Variants in TRPM8 observed in about 807,000 individuals in gnomAD.
TRPM8 encodes TRPM8 cationic channel.
TRPM8 carries 110 observed loss-of-function variants against 133.7 expected under a neutral mutation model. That is an observed-to-expected ratio of 0.82 (90% CI 0.70 to 0.96). The LOEUF (loss-of-function observed/expected upper bound fraction) is 0.96. TRPM8 is among the 40% of genes least tolerant of loss of function. The pLI is 0.00. For synonymous variants in TRPM8, 535 were observed against 532.3 expected, an observed-to-expected ratio of 1.01 and a Z score of -0.07; for missense variants, 1,291 against 1,379.5, an observed-to-expected ratio of 0.94 and a Z score of 1.02.
At chr2:233,921,244 AC>A (rs1691400430) in intron 1 of TRPM8, among the ~76,000 whole-genome samples, 1 of 152,154 alleles carries the variant, frequency 6.6e-6, no homozygotes, top group African/African-American at 2.4e-5. Context: ...TCGTATAACT[AC>A]TGCCACAACC....
At chr2:233,971,975 C>T (rs555128755) in intron 17 of TRPM8, among the ~76,000 whole-genome samples, 13 of 152,212 alleles carry the variant, frequency 8.5e-5, no homozygotes, top group African/African-American at 3.1e-4. Context: ...GTTTACAATC[C>T]CTGAGCTAGA....
intron 22 of TRPM8, among the ~76,000 whole-genome samples, chr2:234,006,354 C>A (rs1692694191): frequency 6.6e-6 from 1 of 152,206 alleles, no homozygotes; most frequent in South Asian, 2.1e-4. Flanking sequence ...GGTGAATTTT[C>A]TTTGAGGTCC....
chr2:233,981,633 C>T, intron 18 of TRPM8, 141 bp from the exon 19 acceptor site: 1 of 724,266 alleles, frequency 1.4e-6, no homozygotes, highest in East Asian at 2.8e-5. Context: ...ATGGCCTCTG[C>T]TGGGTGGTGT....
At chr2:234,005,041 G>T (rs1259555962) in intron 22 of TRPM8, among the ~76,000 whole-genome samples, 1 of 152,138 alleles carries the variant, frequency 6.6e-6, no homozygotes, top group African/African-American at 2.4e-5. Flanking sequence ...AGCATATAAT[G>T]CTATGTTAAA....
chr2:233,922,737 C>G (rs1220941562), intron 1 of TRPM8, among the ~76,000 whole-genome samples: 1 of 152,082 alleles, frequency 6.6e-6, no homozygotes, highest in African/African-American at 2.4e-5. Flanking sequence ...CAATCTTTTC[C>G]CTCTTAAAAA....
chr2:233,958,781 A>T (rs1691357025), intron 11 of TRPM8, among the ~76,000 whole-genome samples: 1 of 152,138 alleles, frequency 6.6e-6, no homozygotes, highest in African/African-American at 2.4e-5. Flanking sequence ...GCAATGTGTG[A>T]TCCCCATGAG....
intron 23 of TRPM8, 93 bp downstream of exon 23, chr2:234,007,045 G>C (rs1012206851): frequency 1.2e-6 from 1 of 856,732 alleles, no homozygotes; most frequent in Non-Finnish European, 1.9e-6. Context: ...ACTCAGTAAA[G>C]AGCATTTTCA....
chr2:233,924,989 A>G (rs1043060068), intron 1 of TRPM8, among the ~76,000 whole-genome samples: 1 of 152,208 alleles, frequency 6.6e-6, no homozygotes, highest in African/African-American at 2.4e-5. Flanking sequence ...TGCATTTTAA[A>G]GCAGTGCCAG....
intron 20 of TRPM8, among the ~76,000 whole-genome samples, chr2:233,985,383 G>A (rs991737571): frequency 3.3e-5 from 5 of 152,258 alleles, no homozygotes; most frequent in African/African-American, 1.2e-4. Flanking sequence ...CTTTAAATGT[G>A]TGTGGTTGAT....
At chr2:233,957,983 C>T (rs762748760) in intron 11 of TRPM8, among the ~76,000 whole-genome samples, 2 of 152,200 alleles carry the variant, frequency 1.3e-5, no homozygotes, top group South Asian at 4.1e-4. Flanking sequence ...GTGCTTAGAA[C>T]ATTGGCACAT....
intron 6 of TRPM8, 48 bp downstream of exon 6, chr2:233,942,796 C>T (rs1466996294): frequency 2.5e-6 from 4 of 1,608,068 alleles, no homozygotes; most frequent in Non-Finnish European, 3.4e-6. Context: ...GGAAGAAAGA[C>T]CATGGCATGG....
At chr2:234,007,947 G>T in intron 23 of TRPM8, 123 bp from the exon 24 acceptor site, 1 of 979,984 alleles carries the variant, frequency 1.0e-6, no homozygotes. Flanking sequence ...TCTTGATTTA[G>T]CTAAGAGTGA....
chr2:233,950,710 C>T (rs1430503931), intron 9 of TRPM8, among the ~76,000 whole-genome samples: 1 of 152,182 alleles, frequency 6.6e-6, no homozygotes, highest in Non-Finnish European at 1.5e-5. Context: ...AGAGGGCTGG[C>T]TGGGCAAGGC....
chr2:233,984,321 G>A (rs943760777), intron 20 of TRPM8, among the ~76,000 whole-genome samples: 1 of 152,116 alleles, frequency 6.6e-6, no homozygotes, highest in African/African-American at 2.4e-5. Context: ...GAGGCCAGAC[G>A]TTTGTACCCA....
At chr2:233,938,879 C>G in intron 4 of TRPM8, 119 bp from the exon 5 acceptor site, 1 of 1,166,082 alleles carries the variant, frequency 8.6e-7, no homozygotes, top group South Asian at 1.5e-5. Flanking sequence ...CCTGCTGCCC[C>G]CACCCCGCCC....
rs78340206 is a variant in TRPM8, at chr2:233,935,622, A to C, written c.192-1731A>C. ...TTAGGGCCTGTTTCAGTGACCAAAC[A>C]TGTCTCCCACTTTGCTATTCTCTAG... is the stretch of plus-strand genomic sequence containing the variant. On this transcript the variant is annotated intron_variant, in intron 3 of 25. Coordinates refer to ENST00000324695, the MANE Select transcript of TRPM8 (RefSeq NM_024080.5). 6.4e-3 allele frequency among the ~76,000 whole-genome samples: 979 copies of C among 152,294 alleles called. 8 individuals carry two copies. Among genetic ancestry groups the C allele is most frequent in the Middle Eastern group, 0.014 (4 of 294 alleles).
intron 15 of TRPM8, among the ~76,000 whole-genome samples, 163 bp downstream of exon 15, chr2:233,966,918 A>G (rs1164624995): frequency 1.3e-5 from 2 of 152,250 alleles, no homozygotes; most frequent in African/African-American, 2.4e-5. Flanking sequence ...AAGTATAGGC[A>G]TTGGTCGAAA....
chr2:233,927,769 T>TTCCTTCCTTC (rs1691560080), intron 2 of TRPM8, among the ~76,000 whole-genome samples: 1 of 68,860 alleles, frequency 1.5e-5, no homozygotes, highest in African/African-American at 2.0e-4. Flanking sequence ...TTTCTTTCTT[T>TTCCTTCCTTC]CTTTCTTTCT....
At chr2:233,969,635 G>A in intron 15 of TRPM8, 60 bp from the exon 16 acceptor site, 1 of 1,000,030 alleles carries the variant, frequency 1.0e-6, no homozygotes, top group Non-Finnish European at 1.6e-6. Context: ...AAGTTTGCAT[G>A]GCATCCTGCA....
Sources: gnomAD v4.1 joint callset for allele counts (sites outside exome capture counted in the v4.1 genomes callset) on GRCh38, gnomAD v4.1.1 for gene constraint, MANE v1.5 for transcripts, NCBI Gene and HGNC (gene_info 2026-07-23, HGNC 2026-07-21) for gene names.